The following OR51B5 variants were observed in gnomAD, a reference collection of about 807,000 sequenced individuals.
OR51B5 encodes olfactory receptor family 51 subfamily B member 5.
For missense variants in OR51B5, 456 were observed against 374.6 expected (o/e 1.22, Z -1.79); for synonymous variants, 186 against 144.8 (o/e 1.28, Z -2.04).
At chr11:5,421,623 G>C (rs1444822413) in intron 1 of OR51B5, among the ~76,000 whole-genome samples, 1 of 152,102 alleles carries the variant, frequency 6.6e-6, no homozygotes, top group African/African-American at 2.4e-5. Context: ...TAGCTAATGA[G>C]AATAGGACAG....
intron 1 of OR51B5, among the ~76,000 whole-genome samples, chr11:5,350,141 AC>A (rs1186229722): frequency 1.3e-5 from 2 of 152,054 alleles, no homozygotes; most frequent in African/African-American, 2.4e-5. Flanking sequence ...AAAATTATCC[AC>A]TCTTTACAAA....
intron 1 of OR51B5, among the ~76,000 whole-genome samples, chr11:5,448,178 A>G (rs148640849): frequency 6.6e-6 from 1 of 152,016 alleles, no homozygotes; most frequent in Non-Finnish European, 1.5e-5. Flanking sequence ...CAATTCATTA[A>G]TTTTTCTCAA....
At chr11:5,467,030 TG>T (rs1851147985) in intron 1 of OR51B5, among the ~76,000 whole-genome samples, 1 of 152,246 alleles carries the variant, frequency 6.6e-6, no homozygotes, top group Non-Finnish European at 1.5e-5. Context: ...TATATCCTTT[TG>T]GAAGAGCTCA....
chr11:5,372,014 G>A (rs1803071237), intron 1 of OR51B5, among the ~76,000 whole-genome samples: 1 of 151,910 alleles, frequency 6.6e-6, no homozygotes, highest in Admixed American at 6.6e-5. Flanking sequence ...TTCTGTGTCT[G>A]GTTTATTTCA....
chr11:5,379,673 TAA>T (rs1179788817), intron 1 of OR51B5, among the ~76,000 whole-genome samples: 1 of 119,046 alleles, frequency 8.4e-6, no homozygotes, highest in African/African-American at 3.2e-5. Context: ...CAAGGTTAGC[TAA>T]AGATATGAAT....
chr11:5,394,736 C>T (rs1849842193), intron 1 of OR51B5, among the ~76,000 whole-genome samples: 1 of 152,178 alleles, frequency 6.6e-6, no homozygotes. Flanking sequence ...ATATTTGTAT[C>T]ACCTGGGAAG....
chr11:5,486,134 T>C (rs1236243006), intron 1 of OR51B5, among the ~76,000 whole-genome samples: 7 of 15,162 alleles, frequency 4.6e-4, no homozygotes, highest in Non-Finnish European at 8.8e-4. Context: ...TGAGAGAATA[T>C]GTTTCTGTTA....
chr11:5,414,302 C>A (rs1180522568), intron 1 of OR51B5, among the ~76,000 whole-genome samples: 2 of 148,706 alleles, frequency 1.3e-5, no homozygotes, highest in South Asian at 2.2e-4. Context: ...TGGAAAGGAA[C>A]AACCGGTACC....
At chr11:5,425,011 GA>G (rs1564809545) in intron 1 of OR51B5, among the ~76,000 whole-genome samples, 1 of 148,156 alleles carries the variant, frequency 6.7e-6, no homozygotes, top group Non-Finnish European at 1.5e-5. Flanking sequence ...GTGAAAGGCA[GA>G]AAGCAAATAC....
At chr11:5,369,141 A>G (rs1564924397) in intron 1 of OR51B5, among the ~76,000 whole-genome samples, 2 of 152,192 alleles carry the variant, frequency 1.3e-5, no homozygotes, top group Middle Eastern at 3.2e-3. Flanking sequence ...GACATACAGA[A>G]AGGATGAAGT....
intron 1 of OR51B5, chr11:5,362,483 T>G: frequency 6.5e-6 from 1 of 154,962 alleles, no homozygotes; most frequent in Non-Finnish European, 1.4e-5. Flanking sequence ...CTGGATACTA[T>G]GAATCAGAAT....
chr11:5,413,322 C>G (rs1850181172), intron 1 of OR51B5, among the ~76,000 whole-genome samples: 1 of 151,858 alleles, frequency 6.6e-6, no homozygotes, highest in African/African-American at 2.4e-5. Flanking sequence ...TAGATAAAAC[C>G]ACAAAGATGG....
chr11:5,474,618 T>C (rs1014191850), intron 1 of OR51B5, among the ~76,000 whole-genome samples: 1 of 152,212 alleles, frequency 6.6e-6, no homozygotes, highest in Non-Finnish European at 1.5e-5. Flanking sequence ...TCATGATATG[T>C]TTCTCCCCAG....
chr11:5,446,179 A>T (rs1850760360), intron 1 of OR51B5, among the ~76,000 whole-genome samples: 1 of 152,112 alleles, frequency 6.6e-6, no homozygotes, highest in Non-Finnish European at 1.5e-5. Flanking sequence ...GGTGCAGCAC[A>T]CCAACATGGC....
Position 5,352,439 on chromosome 11 carries a change from G to C in OR51B5, n.85-5529C>G, listed in dbSNP as rs753316687. On this transcript the variant is annotated intron_variant and non_coding_transcript_variant, in intron 1 of 4. Coordinates refer to the OR51B5 transcript ENST00000415970. Reference sequence around the variant, plus strand: ...CGTTTATTCTCTCTGCCTCACTCTAGAGCATGACATTGTTTCACTGGTCTC... The same window carrying C: ...CGTTTATTCTCTCTGCCTCACTCTACAGCATGACATTGTTTCACTGGTCTC... 12 of 1,579,240 alleles carry C rather than the reference G, an allele frequency of 7.6e-6. No homozygotes were observed. The Admixed American group carries it at 1.2e-4, about 16-fold the overall frequency.
chr11:5,504,889 A>G (rs949729180), intron 1 of OR51B5, among the ~76,000 whole-genome samples: 2 of 152,218 alleles, frequency 1.3e-5, no homozygotes, highest in African/African-American at 4.8e-5. Flanking sequence ...TAATGAAGCT[A>G]GAGCAAGGAT....
chr11:5,393,978 T>C (rs1327959961), intron 1 of OR51B5, among the ~76,000 whole-genome samples: 1 of 152,202 alleles, frequency 6.6e-6, no homozygotes, highest in Non-Finnish European at 1.5e-5. Context: ...TAACTTTTTG[T>C]TCCCTTTCCT....
chr11:5,484,181 C>T (rs551148781), intron 1 of OR51B5, among the ~76,000 whole-genome samples: 149 of 152,276 alleles, frequency 9.8e-4, no homozygotes, highest in African/African-American at 3.5e-3. Flanking sequence ...TCAATGAACT[C>T]ACAGCTAAGT....
At chr11:5,399,463 G>C (rs1053329878) in intron 1 of OR51B5, among the ~76,000 whole-genome samples, 2 of 152,112 alleles carry the variant, frequency 1.3e-5, no homozygotes, top group African/African-American at 4.8e-5. Flanking sequence ...TAAAAACAAA[G>C]ATACTAATGT....
Sources: allele counts gnomAD v4.1 joint callset (sites outside exome capture counted in the v4.1 genomes callset), GRCh38; gene constraint gnomAD v4.1.1; transcripts MANE v1.5; gene names NCBI Gene and HGNC (gene_info 2026-07-23, HGNC 2026-07-21).